Variants in BDH1 observed in about 807,000 individuals in gnomAD.
BDH1 encodes the protein D-beta-hydroxybutyrate dehydrogenase, mitochondrial.
A neutral mutation model predicts 33.1 loss-of-function variants in BDH1; 30 were observed. The observed-to-expected ratio is 0.91, with a 90% confidence interval of 0.68 to 1.23. The LOEUF is 1.23. BDH1 is among the 50% of genes most tolerant of loss of function. The pLI is 0.00. For synonymous variants in BDH1, 190 were observed against 183.6 expected (o/e 1.03, Z -0.28); for missense variants, 443 against 464.4 (o/e 0.95, Z 0.42).
intron 3 of BDH1, among the ~76,000 whole-genome samples, chr3:197,543,696 G>T (rs1483760131): frequency 6.6e-6 from 1 of 152,198 alleles, no homozygotes; most frequent in African/African-American, 2.4e-5. Flanking sequence ...GTTTTGTTCA[G>T]GCACCACACC....
At chr3:197,547,779 C>A (rs1004618206) in intron 2 of BDH1, among the ~76,000 whole-genome samples, 1 of 152,210 alleles carries the variant, frequency 6.6e-6, no homozygotes, top group Admixed American at 6.5e-5. Flanking sequence ...CTCACTGCGT[C>A]GCAGCCACCA....
chr3:197,566,032 T>C (rs944441786), intron 1 of BDH1, among the ~76,000 whole-genome samples: 2 of 152,254 alleles, frequency 1.3e-5, no homozygotes, highest in African/African-American at 4.8e-5. Context: ...AGAAAACGTC[T>C]TTTAAGCTAT....
intron 3 of BDH1, among the ~76,000 whole-genome samples, chr3:197,545,807 T>G (rs115508807): frequency 0.013 from 2,001 of 152,344 alleles, 52 homozygotes; most frequent in African/African-American, 0.045. Flanking sequence ...AACTTTTGTA[T>G]AAGTCCAAAG....
In BDH1 at chr3:197,515,743, G is replaced by C. The variant is rs972324664; in HGVS notation, c.410-1327C>G. On this transcript the variant is annotated intron_variant, in intron 6 of 7. Transcript: ENST00000392379. ...GCCAGGCTTCCAAGAACTCTATCCT[G>C]TAATACAAAGATTAGCCGGGTGTGG... is the stretch of plus-strand genomic sequence containing the variant. 4 of 978,862 alleles carry C rather than the reference G, an allele frequency of 4.1e-6. No individual in the cohort carries two copies. The African/African-American group carries it at 7.1e-5, about 17-fold the overall frequency. The allele number at this position is 978,862 out of a possible 1,614,324, so 60.6% of individuals were successfully genotyped here. A position where few individuals can be genotyped will look rare whatever the true frequency, so the allele number is the denominator to read the frequency against.
intron 3 of BDH1, chr3:197,534,109 G>C (rs1373436334): frequency 6.6e-6 from 1 of 152,426 alleles, no homozygotes; most frequent in Non-Finnish European, 1.5e-5. Flanking sequence ...TTTCCCCTAA[G>C]GGTAGTATCT....
In BDH1 at chr3:197,546,528, C is replaced by T. The variant is rs113853083; in HGVS notation, c.-43-42G>A. On this transcript the variant is annotated intron_variant, in intron 2 of 7. Transcript: ENST00000392379. ...CCCTCAGCATTACTTTGTTGCCTTC[C>T]GGGCTTTAATCAGGAGCAGTCATGT... 1,151 of 1,387,026 alleles carry T rather than the reference C, an allele frequency of 8.3e-4. 10 individuals are homozygous for T. The African/African-American group carries it at 0.014, about 17-fold the overall frequency. 85.9% of individuals were successfully genotyped at this position (1,387,026 alleles called of 1,614,324 possible).
rs1357708867 is a variant in BDH1 at position 197,554,628 on chromosome 3, A to T, written c.-110T>A. 1 of 152,146 alleles carries T rather than the reference A, an allele frequency of 6.6e-6. No individual in the cohort carries two copies. Among genetic ancestry groups the T allele is most frequent in the African/African-American group, 2.4e-5 (1 of 41,420 alleles). The allele number at this position is 152,146 out of a possible 1,614,324, so 9.4% of individuals were successfully genotyped here. ...GCCTGCAGGCGGCCCTCCATAGTGA[A>T]ATATGTGCTTCTGCAACCCCTCAAA... On this transcript the variant is annotated 5_prime_UTR_variant, in exon 2 of 8. Transcript: ENST00000392379. This position sits in a 1 kb window ranked among gnomAD's most constrained non-coding sequence, Gnocchi z 4.4.
At chr3:197,552,138 G>A (rs1716629151) in intron 2 of BDH1, among the ~76,000 whole-genome samples, 1 of 152,194 alleles carries the variant, frequency 6.6e-6, no homozygotes, top group Non-Finnish European at 1.5e-5. Flanking sequence ...AACTGAGCCT[G>A]TGCTATTGTC....
At chr3:197,564,087 C>A (rs6766998) in intron 1 of BDH1, among the ~76,000 whole-genome samples, 56,827 of 141,894 alleles carry the variant, frequency 0.4, 11,881 homozygotes, top group African/African-American at 0.52. Flanking sequence ...GGGTGACAGC[C>A]AGACTTCATC....
At chr3:197,527,440 T>C (rs1714206021) in intron 5 of BDH1, among the ~76,000 whole-genome samples, 1 of 152,202 alleles carries the variant, frequency 6.6e-6, no homozygotes, top group Non-Finnish European at 1.5e-5. Context: ...TGGTCCTGCC[T>C]TCTTTTCCCA....
intron 7 of BDH1, among the ~76,000 whole-genome samples, chr3:197,512,658 G>C (rs539748467): frequency 6.6e-6 from 1 of 152,328 alleles, no homozygotes; most frequent in Admixed American, 6.5e-5. Context: ...AGCCCGATGC[G>C]GTGATAATTT....
At chr3:197,565,309 CTTGAG>C (rs765749356) in intron 1 of BDH1, among the ~76,000 whole-genome samples, 1 of 152,106 alleles carries the variant, frequency 6.6e-6, no homozygotes, top group South Asian at 2.1e-4. Flanking sequence ...TTTTTAAATC[CTTGAG>C]TTATCACTTT....
intron 5 of BDH1, among the ~76,000 whole-genome samples, chr3:197,531,815 G>A (rs1040901673): frequency 3.9e-5 from 6 of 152,058 alleles, no homozygotes; most frequent in South Asian, 2.1e-4. Flanking sequence ...TTGCAGTCTC[G>A]GGTCCCAGTG....
At chr3:197,519,503 A>G (rs1037974534) in intron 6 of BDH1, among the ~76,000 whole-genome samples, 1 of 152,044 alleles carries the variant, frequency 6.6e-6, no homozygotes, top group African/African-American at 2.4e-5. Flanking sequence ...TTTACTAAAA[A>G]AAAAAAAAAA....
intron 3 of BDH1, chr3:197,533,842 A>T (rs1331791458): frequency 2.2e-6 from 1 of 448,738 alleles, no homozygotes; most frequent in African/African-American, 2.0e-5. Context: ...AACCCTGGCC[A>T]TCCAGTGTCC....
At chr3:197,536,870 A>T (rs1457639500) in intron 3 of BDH1, among the ~76,000 whole-genome samples, 3 of 152,206 alleles carry the variant, frequency 2.0e-5, no homozygotes, top group Non-Finnish European at 2.9e-5. Context: ...ACAAACAAAA[A>T]CAAAACAAAA....
rs185658508 is a variant in BDH1 at position 197,525,160 on chromosome 3, T to G, written c.268-2379A>C. On this transcript the variant is annotated intron_variant, in intron 5 of 7. Transcript: ENST00000392379. This position sits in a 1 kb window ranked among gnomAD's most constrained non-coding sequence, Gnocchi z 4.9. ...ATGCATCTTCAGGTCTAGGGTGTGA[T>G]GACGTGGTGCCTGCAGACCCCTCTC... is the stretch of plus-strand genomic sequence containing the variant. Among the ~76,000 whole-genome samples the G allele has an allele frequency of 1.0e-3, 157 of 152,224 alleles. No homozygotes were observed. The highest frequency in any genetic ancestry group is 1.3e-3 in the Non-Finnish European group (87 of 67,996).
In BDH1 at chr3:197,511,468, G is replaced by A; in HGVS notation, c.*427C>T. 5.6e-6 allele frequency: 1 copy of A among 177,520 alleles called. No homozygotes were observed. Among genetic ancestry groups the A allele is most frequent in the Non-Finnish European group, 1.2e-5 (1 of 85,660 alleles). The allele number at this position is 177,520 out of a possible 1,614,324, so 11.0% of individuals were successfully genotyped here. A position where few individuals can be genotyped will look rare whatever the true frequency, so the allele number is the denominator to read the frequency against. On this transcript the variant is annotated 3_prime_UTR_variant, in exon 8 of 8. Coordinates refer to ENST00000392379, the MANE Select transcript of BDH1 (RefSeq NM_203314.3). The stretch of plus-strand genomic sequence containing the variant: ...CAGCCGTGGCAGGAACACATAACTG[G>A]CACTATTTATAAGCGATAAAAGGGT...
chr3:197,533,396 GGCCCCACTC>G, intron 4 of BDH1, 84 bp downstream of exon 4: 1 of 1,319,714 alleles, frequency 7.6e-7, no homozygotes, highest in Non-Finnish European at 1.1e-6. Context: ...GAAACACTAA[GGCCCCACTC>G]TGAGGGTAGC....
Sources: gnomAD v4.1 joint callset for allele counts (sites outside exome capture counted in the v4.1 genomes callset) on GRCh38, gnomAD v4.1.1 for gene constraint, Gnocchi (gnomAD v3.1) non-coding constraint, MANE v1.5 for transcripts, NCBI Gene and HGNC (gene_info 2026-07-23, HGNC 2026-07-21) for gene names.